TXNDC11: variants seen among roughly 807,000 people sequenced by gnomAD.
TXNDC11 encodes thioredoxin domain-containing protein 11.
Under a neutral mutation model 78.0 loss-of-function variants are expected in TXNDC11, and 68 were observed. The ratio of observed to expected loss-of-function variants is 0.87; its 90% confidence interval spans 0.72 to 1.07. The LOEUF (loss-of-function observed/expected upper bound fraction) is 1.07, where lower values mean the gene tolerates loss of function less well. Ranked by LOEUF, TXNDC11 falls within the 50% of genes least tolerant of loss-of-function variation. TXNDC11 has a pLI of 0.00. For synonymous variants in TXNDC11, 571 were observed against 495.2 expected, an observed-to-expected ratio of 1.15 and a Z score of -2.03; for missense variants, 1,389 against 1,221.8, an observed-to-expected ratio of 1.14 and a Z score of -2.04.
chr16:11,698,037 A>G, intron 7 of TXNDC11, 88 bp downstream of exon 7: 1 of 1,270,292 alleles, frequency 7.9e-7, no homozygotes, highest in East Asian at 2.3e-5. Context: ...TAGCTGCCAG[A>G]GTAAATGACT....
chr16:11,729,960 T>C (rs1238148430), intron 4 of TXNDC11, among the ~76,000 whole-genome samples: 1 of 152,100 alleles, frequency 6.6e-6, no homozygotes, highest in African/African-American at 2.4e-5. Context: ...CTGGGCGTGG[T>C]GGCACTGCCT....
At position 11,702,804 on chromosome 16, in the gene TXNDC11, T is replaced by C. The variant is rs200915251; in HGVS notation, c.794-2240A>G. Among the ~76,000 whole-genome samples the C allele has an allele frequency of 5.3e-5, 8 of 152,366 alleles. No individual in the cohort carries two copies. The East Asian group carries it at 1.5e-3, about 29-fold the overall frequency. ...CCATAAAGTTTCCAGTTTTATCCCATGACCCCATCTTTCAGTGGTGTGGTC... is the reference window on the plus strand; with the variant it reads ...CCATAAAGTTTCCAGTTTTATCCCACGACCCCATCTTTCAGTGGTGTGGTC... On this transcript the variant is annotated intron_variant, in intron 5 of 11. Coordinates refer to ENST00000283033, the MANE Select transcript of TXNDC11 (RefSeq NM_015914.7).
Position 11,679,650 on chromosome 16 carries a change from G to A in TXNDC11, c.2422C>T (p.Gln808Ter), listed in dbSNP as rs1382524133. The A allele has an allele frequency of 6.2e-7, 1 of 1,614,168 alleles. No homozygotes were observed. Among genetic ancestry groups the A allele is most frequent in the East Asian group, 2.2e-5 (1 of 44,880 alleles). The change falls in exon 12 of 12, where the codon CAG (glutamine) becomes TAG (stop). Residue 808 changes from glutamine to a stop codon, truncating the protein, a stop_gained. Coordinates refer to ENST00000283033, the MANE Select transcript of TXNDC11 (RefSeq NM_015914.7). LOFTEE classifies it low-confidence loss of function (END_TRUNC). The surrounding 1 kb of genome is among the most constrained non-coding windows in gnomAD (Gnocchi z 4.6). ...CTGCTTATTTCTGCTCTCAGTTTCT[G>A]GATCTCTCTCTCCAAGTGGGAGATG... is the stretch of plus-strand genomic sequence containing the variant. ...GHISHLEREI[Q>*]KLRAEISSLQ... is the part of the protein sequence containing the mutation.
intron 7 of TXNDC11, among the ~76,000 whole-genome samples, chr16:11,694,978 A>T (rs943627920): frequency 5.9e-5 from 9 of 152,232 alleles, no homozygotes; most frequent in African/African-American, 2.2e-4. Flanking sequence ...GAAATCTGTG[A>T]GCCTGAACAT....
chr16:11,731,799 C>T (rs1216336645), intron 3 of TXNDC11, among the ~76,000 whole-genome samples: 1 of 151,904 alleles, frequency 6.6e-6, no homozygotes, highest in African/African-American at 2.4e-5. Context: ...TGAAAAACAG[C>T]GTTCTCTACA....
chr16:11,725,078 T>C (rs981928607), intron 4 of TXNDC11, among the ~76,000 whole-genome samples: 4 of 152,312 alleles, frequency 2.6e-5, no homozygotes, highest in South Asian at 2.1e-4. Flanking sequence ...GAAAATTATA[T>C]AGAGCTCTTA....
In TXNDC11 at chr16:11,684,207, A is replaced by G; in HGVS notation, c.2192T>C (p.Met731Thr). ...CAAGACAGTAGGAAGACGATCGACC[A>G]TAAATTCCCAAGGAAGGTCATTCTG... ...VSQNDLPWEF[M>T]VDRLPTVLFF... The change falls in exon 11 of 12, where the codon ATG becomes ACG. Residue 731 changes from methionine to threonine, a missense_variant. Met to Thr is a moderately conservative substitution (Grantham distance 81, BLOSUM62 -1). Coordinates refer to ENST00000283033, the MANE Select transcript of TXNDC11 (RefSeq NM_015914.7). 1 of 1,613,956 alleles carries G rather than the reference A, an allele frequency of 6.2e-7. No individual in the cohort carries two copies. The highest frequency in any genetic ancestry group is 8.5e-7 in the Non-Finnish European group (1 of 1,179,848).
intron 2 of TXNDC11, among the ~76,000 whole-genome samples, chr16:11,734,570 A>T (rs1053094752): frequency 6.6e-6 from 1 of 152,216 alleles, no homozygotes; most frequent in Non-Finnish European, 1.5e-5. Context: ...GAGAATTGGC[A>T]TGGGGCCTGG....
chr16:11,707,035 A>G (rs991391078), intron 5 of TXNDC11, among the ~76,000 whole-genome samples: 8 of 152,200 alleles, frequency 5.3e-5, no homozygotes, highest in African/African-American at 1.7e-4. Context: ...AAATTCTGGT[A>G]TATTTGGGGA....
chr16:11,730,812 A>C (rs767617303), intron 3 of TXNDC11, 38 bp from the exon 4 acceptor site: 125 of 1,443,050 alleles, frequency 8.7e-5, no homozygotes, highest in Non-Finnish European at 1.1e-4. Flanking sequence ...AAAAATAATA[A>C]AAATAATACA....
intron 5 of TXNDC11, among the ~76,000 whole-genome samples, chr16:11,709,954 C>A (rs893699253): frequency 1.3e-5 from 2 of 152,196 alleles, no homozygotes; most frequent in Non-Finnish European, 2.9e-5. Context: ...GTGGCTCACA[C>A]CACCACGGTG....
intron 5 of TXNDC11, chr16:11,703,644 T>C (rs1597442206): frequency 8.5e-6 from 6 of 702,094 alleles, no homozygotes; most frequent in Middle Eastern, 2.3e-4. Context: ...CTAGAAGTAA[T>C]GACATCCTAA....
chr16:11,737,932 A>G (rs1205883187), intron 1 of TXNDC11, among the ~76,000 whole-genome samples: 2 of 152,002 alleles, frequency 1.3e-5, no homozygotes, highest in Non-Finnish European at 2.9e-5. Context: ...AGACCCAATT[A>G]TGCACTATCT....
At chr16:11,726,191 G>A (rs920378125) in intron 4 of TXNDC11, among the ~76,000 whole-genome samples, 1 of 150,614 alleles carries the variant, frequency 6.6e-6, no homozygotes, top group Non-Finnish European at 1.5e-5. Flanking sequence ...TAGAGTCATA[G>A]TTTACAAACA....
At chr16:11,705,764 TAGCATATGGTGGAAATCTTGCTAGA>T (rs1239485003) in intron 5 of TXNDC11, among the ~76,000 whole-genome samples, 3 of 152,232 alleles carry the variant, frequency 2.0e-5, no homozygotes, top group Non-Finnish European at 4.4e-5. Flanking sequence ...ATTTAAGTTC[TAGCATATGGTGGAAATCTTGCTAGA>T]AGCAGCAGCT....
Position 11,700,539 on chromosome 16 carries a change from C to T in TXNDC11, c.819G>A (p.Gly273=), listed in dbSNP as rs1458584467. 1.2e-6 allele frequency: 2 copies of T among 1,603,460 alleles called. No individual in the cohort carries two copies. Among genetic ancestry groups the T allele is most frequent in the Non-Finnish European group, 1.7e-6 (2 of 1,170,754 alleles). The change falls in exon 6 of 12, where the codon GGG becomes GGA. Residue 273 remains glycine (G), a synonymous_variant. Transcript: ENST00000283033. ...TCGCAAGATGTTTATTTGTGATAAC[C>T]CCAAATCGTACTGTTCCTAGGTAAT... The part of the protein sequence containing the change: ...KKDYLGTVRF[G]VITNKHLAKL...
chr16:11,730,295 A>T (rs1172653687), intron 4 of TXNDC11, among the ~76,000 whole-genome samples: 2 of 152,234 alleles, frequency 1.3e-5, no homozygotes, highest in Non-Finnish European at 2.9e-5. Context: ...CTCATAGTAC[A>T]ATGCTATGAG....
At chr16:11,735,011 A>T (rs2052179797) in intron 2 of TXNDC11, among the ~76,000 whole-genome samples, 1 of 152,176 alleles carries the variant, frequency 6.6e-6, no homozygotes, top group African/African-American at 2.4e-5. Context: ...CGCCTGCCAA[A>T]CACTGATGTT....
In TXNDC11 at chr16:11,684,171, C is replaced by T. The variant is rs756541798; in HGVS notation, c.2228G>A (p.Cys743Tyr). ...DRLPTVLFFPCNRKDLSVKYP... is the reference protein window; with the variant it reads ...DRLPTVLFFPYNRKDLSVKYP... ...GACAAAAATTTGGCATTACCTGTTG[C>T]AGGGAAAAAACAAGACAGTAGGAAG... Residue 743 changes from cysteine to tyrosine, a missense_variant, in exon 11 of 12, where the codon TGC becomes TAC. Transcript: ENST00000283033. 6.2e-7 allele frequency: 1 copy of T among 1,613,416 alleles called. No homozygotes were observed. Among genetic ancestry groups the T allele is most frequent in the Non-Finnish European group, 8.5e-7 (1 of 1,179,550 alleles).
Sources: gnomAD v4.1 joint callset for allele counts (sites outside exome capture counted in the v4.1 genomes callset) on GRCh38, gnomAD v4.1.1 for gene constraint, Gnocchi (gnomAD v3.1) non-coding constraint, MANE v1.5 for transcripts, NCBI Gene and HGNC (gene_info 2026-07-23, HGNC 2026-07-21) for gene names.